OSBPL6: variants seen among roughly 807,000 people sequenced by gnomAD.
OSBPL6 encodes oxysterol binding protein like 6, also known as oxysterol-binding protein-related protein 6.
Under a neutral mutation model 125.8 loss-of-function variants are expected in OSBPL6, and 49 were observed. The observed-to-expected ratio is 0.39, with a 90% CI of 0.31 to 0.49. The LOEUF (loss-of-function observed/expected upper bound fraction) is 0.49. OSBPL6 is among the 20% of genes least tolerant of loss of function. The pLI is 0.88. For synonymous variants in OSBPL6, 394 were observed against 391.8 expected (o/e 1.01, Z -0.07); for missense variants, 986 against 1,135.4 (o/e 0.87, Z 1.89).
chr2:178,223,607 G>A (rs1384052138), intron 1 of OSBPL6, among the ~76,000 whole-genome samples: 1 of 152,152 alleles, frequency 6.6e-6, no homozygotes, highest in Non-Finnish European at 1.5e-5. Flanking sequence ...TTTGCCTTGG[G>A]GTAGAACTGT....
At chr2:178,380,790 TATAATC>T in intron 15 of OSBPL6, among the ~76,000 whole-genome samples, 1 of 152,368 alleles carries the variant, frequency 6.6e-6, no homozygotes, top group Admixed American at 6.5e-5. Flanking sequence ...AATTCCTTGT[TATAATC>T]ATATAATGAA....
At chr2:178,361,611 A>G in intron 12 of OSBPL6, 71 bp from the exon 13 acceptor site, 1 of 1,554,288 alleles carries the variant, frequency 6.4e-7, no homozygotes. Flanking sequence ...GAAAGTCTGG[A>G]GAAATTTATA....
chr2:178,346,678 C>T (rs1236191739), intron 11 of OSBPL6, among the ~76,000 whole-genome samples: 2 of 152,158 alleles, frequency 1.3e-5, no homozygotes, highest in Non-Finnish European at 2.9e-5. Flanking sequence ...CCATCACTGA[C>T]AGAGAAACCA....
At chr2:178,373,420 A>G (rs1693583741) in intron 14 of OSBPL6, among the ~76,000 whole-genome samples, 1 of 152,216 alleles carries the variant, frequency 6.6e-6, no homozygotes, top group African/African-American at 2.4e-5. Context: ...TCAATATTCC[A>G]GTCATGTGTT....
intron 13 of OSBPL6, among the ~76,000 whole-genome samples, chr2:178,367,410 A>T (rs1692939612): frequency 6.6e-6 from 1 of 152,106 alleles, no homozygotes; most frequent in Non-Finnish European, 1.5e-5. Context: ...AACCAGTTTT[A>T]TTTTTATCTA....
At chr2:178,317,008 G>A (rs1006088264) in intron 3 of OSBPL6, among the ~76,000 whole-genome samples, 1 of 151,954 alleles carries the variant, frequency 6.6e-6, no homozygotes, top group Non-Finnish European at 1.5e-5. Context: ...GCTGAAAGAA[G>A]ATATATCAAA....
intron 1 of OSBPL6, among the ~76,000 whole-genome samples, chr2:178,247,444 G>A (rs999858221): frequency 6.6e-6 from 1 of 152,086 alleles, no homozygotes; most frequent in Non-Finnish European, 1.5e-5. Context: ...TCGTTCTGAT[G>A]TGTTTCTATT....
At chr2:178,201,185 A>C (rs2089240883) in intron 1 of OSBPL6, among the ~76,000 whole-genome samples, 1 of 152,214 alleles carries the variant, frequency 6.6e-6, no homozygotes, top group African/African-American at 2.4e-5. Flanking sequence ...TGATTTGAAG[A>C]TTAAGAATCA....
At chr2:178,272,515 A>T (rs1274069060) in intron 1 of OSBPL6, among the ~76,000 whole-genome samples, 1 of 152,164 alleles carries the variant, frequency 6.6e-6, no homozygotes, top group Non-Finnish European at 1.5e-5. Context: ...TGATTTATCT[A>T]ATTTGGAAGT....
At chr2:178,207,451 T>C (rs2089600087) in intron 1 of OSBPL6, among the ~76,000 whole-genome samples, 1 of 152,174 alleles carries the variant, frequency 6.6e-6, no homozygotes, top group South Asian at 2.1e-4. Flanking sequence ...TAATCATATG[T>C]TTTGGGGTCA....
Position 178,244,168 on chromosome 2 carries a change from C to T in OSBPL6, c.-350-40759C>T, listed in dbSNP as rs181252141. Reference sequence around the variant, plus strand: ...TTTAAATTCCTGGCACACCCAGTCCCTTCTTGCCTCAGAGCCTTTGCACAT... The same window carrying T: ...TTTAAATTCCTGGCACACCCAGTCCTTTCTTGCCTCAGAGCCTTTGCACAT... On this transcript the variant is annotated intron_variant, in intron 1 of 24. Coordinates refer to ENST00000190611, the MANE Select transcript of OSBPL6 (RefSeq NM_032523.4). Among the ~76,000 whole-genome samples the T allele has an allele frequency of 2.7e-3, 412 of 152,312 alleles. 5 individuals carry two copies. The highest frequency in any genetic ancestry group is 1.0e-3 in the Non-Finnish European group (71 of 68,038).
At chr2:178,212,307 A>G (rs956732139) in intron 1 of OSBPL6, among the ~76,000 whole-genome samples, 5 of 152,162 alleles carry the variant, frequency 3.3e-5, no homozygotes, top group Non-Finnish European at 7.3e-5. Context: ...TCTTTTAGTC[A>G]CTGAGCCTGC....
intron 1 of OSBPL6, among the ~76,000 whole-genome samples, chr2:178,275,463 G>C (rs1365807993): frequency 6.6e-6 from 1 of 152,116 alleles, no homozygotes; most frequent in Non-Finnish European, 1.5e-5. Flanking sequence ...AGTGAGCCAA[G>C]ATTGCACCAC....
At chr2:178,263,834 T>TGTGTGC (rs901324553) in intron 1 of OSBPL6, among the ~76,000 whole-genome samples, 1 of 142,080 alleles carries the variant, frequency 7.0e-6, no homozygotes, top group Admixed American at 7.0e-5. Flanking sequence ...TGTGTGTGTG[T>TGTGTGC]GTGCGTGTAC....
At chr2:178,210,411 A>G (rs1035213556) in intron 1 of OSBPL6, among the ~76,000 whole-genome samples, 1 of 151,366 alleles carries the variant, frequency 6.6e-6, no homozygotes, top group Non-Finnish European at 1.5e-5. Context: ...TTACTGTTAG[A>G]TGATTCAACC....
At chr2:178,307,496 G>A (rs556607176) in intron 3 of OSBPL6, among the ~76,000 whole-genome samples, 9 of 152,148 alleles carry the variant, frequency 5.9e-5, no homozygotes, top group South Asian at 2.1e-4. Context: ...ACCTATATTC[G>A]GTTCTTTAGA....
intron 20 of OSBPL6, among the ~76,000 whole-genome samples, chr2:178,388,068 T>C (rs796891146): frequency 6.6e-6 from 1 of 152,294 alleles, no homozygotes. Context: ...GCCTACATCA[T>C]ACCAATTCAT....
chr2:178,291,678 C>CTTCCTTCA (rs1685279955), intron 2 of OSBPL6, among the ~76,000 whole-genome samples: 1 of 148,798 alleles, frequency 6.7e-6, no homozygotes, highest in African/African-American at 2.5e-5. Flanking sequence ...TCCTTCCTTC[C>CTTCCTTCA]TTCCTTCCTT....
At chr2:178,330,089 C>G (rs1170165426) in intron 5 of OSBPL6, among the ~76,000 whole-genome samples, 1 of 152,148 alleles carries the variant, frequency 6.6e-6, no homozygotes, top group East Asian at 1.9e-4. Context: ...GCCAATTGGC[C>G]ATCCTCCTTC....
Sources: gnomAD v4.1 joint callset for allele counts (sites outside exome capture counted in the v4.1 genomes callset) on GRCh38, gnomAD v4.1.1 for gene constraint, MANE v1.5 for transcripts, NCBI Gene and HGNC (gene_info 2026-07-23, HGNC 2026-07-21) for gene names.